The following PTPN3 variants were observed in gnomAD, a reference collection of about 807,000 sequenced individuals.
The protein encoded by PTPN3 is tyrosine-protein phosphatase non-receptor type 3.
In PTPN3, 96 loss-of-function variants were observed where a neutral mutation model predicts 132.7. The observed-to-expected ratio is 0.72, with a 90% CI of 0.61 to 0.86. The LOEUF (loss-of-function observed/expected upper bound fraction) is 0.86. Ranked by LOEUF, PTPN3 falls within the 40% of genes least tolerant of loss-of-function variation. PTPN3 has a pLI of 0.00. For missense variants in PTPN3, 1,125 were observed against 1,159.6 expected (o/e 0.97, Z 0.43); for synonymous variants, 398 against 429.0 (o/e 0.93, Z 0.89).
intron 10 of PTPN3, 95 bp downstream of exon 10, chr9:109,432,978 T>C: frequency 6.6e-7 from 1 of 1,510,012 alleles, no homozygotes; most frequent in Non-Finnish European, 8.9e-7. Flanking sequence ...ATCTTTTCTT[T>C]AGAAATAAAC....
At chr9:109,502,318 A>G (rs1309932128), upstream of PTPN3, among the ~76,000 whole-genome samples, 1 of 152,198 alleles carries the variant, frequency 6.6e-6, no homozygotes, top group Non-Finnish European at 1.5e-5. Context: ...TGCTCCAGTG[A>G]TTTACAAAGC....
chr9:109,430,497 C>A (rs1391368870), intron 10 of PTPN3, among the ~76,000 whole-genome samples: 1 of 152,052 alleles, frequency 6.6e-6, no homozygotes, highest in East Asian at 1.9e-4. Context: ...CGTTTCCAGG[C>A]TTGGGGCCTC....
chr9:109,427,012 T>TTCAGCCAAA lies in PTPN3; in HGVS notation c.938_939insTTTGGCTGA (p.Leu314_Pro315insAlaGluLeu). 1 of 1,613,820 alleles carries TTCAGCCAAA rather than the reference T, an allele frequency of 6.2e-7. No homozygotes were observed. On this transcript the variant is annotated inframe_insertion, in exon 12 of 26. Coordinates refer to ENST00000374541, the MANE Select transcript of PTPN3 (RefSeq NM_002829.4). ...ACAGAACATTCTTTTCCTGAGGTAG[T>TTCAGCCAAA]AGCTTCTTTGCCTGAAAGAACGTAT...
At chr9:109,478,054 T>C (rs1229888685) in intron 1 of PTPN3, among the ~76,000 whole-genome samples, 1 of 152,130 alleles carries the variant, frequency 6.6e-6, no homozygotes. Context: ...AGCCTCACGG[T>C]GTCTGAACCC....
chr9:109,533,018 C>T, the PTPN3 span: 22,476 of 376,466 alleles, frequency 0.06, 1,022 homozygotes, highest in East Asian at 0.17. Flanking sequence ...TGCAATGGCG[C>T]GATCTCGGCT....
At chr9:109,531,303 C>T in the PTPN3 span, among the ~76,000 whole-genome samples, 1 of 152,164 alleles carries the variant, frequency 6.6e-6, no homozygotes, top group African/African-American at 2.4e-5. Flanking sequence ...TGTTGAAAAC[C>T]TGGCAATTTT....
In PTPN3 at chr9:109,433,569, G is replaced by A. The variant is rs117159805; in HGVS notation, c.676-408C>T. Among the ~76,000 whole-genome samples the A allele has an allele frequency of 8.4e-3, 1,278 of 152,298 alleles. 8 individuals are homozygous for A. Among genetic ancestry groups the A allele is most frequent in the Middle Eastern group, 0.014 (4 of 294 alleles). On this transcript the variant is annotated intron_variant, in intron 9 of 25. Transcript: ENST00000374541. Reference sequence around the variant, plus strand: ...GCTTTAGCTATTTTGAAATGATGATGAAAATGTATACATGTAGAACTGCTG... The same window carrying A: ...GCTTTAGCTATTTTGAAATGATGATAAAAATGTATACATGTAGAACTGCTG...
At chr9:109,510,574 A>ATAT in the PTPN3 span, among the ~76,000 whole-genome samples, 25 of 49,180 alleles carry the variant, frequency 5.1e-4, no homozygotes, top group African/African-American at 1.1e-3. Flanking sequence ...AAAAAAAAAA[A>ATAT]AAATATATAT....
chr9:109,469,678 C>T lies in PTPN3; in HGVS notation c.-17-6227G>A, dbSNP rs116544730. On this transcript the variant is annotated intron_variant, in intron 1 of 25. Transcript: ENST00000374541. The stretch of plus-strand genomic sequence containing the variant: ...ATTTTTTAAAGTAAGGGACTTAGGC[C>T]TCTAATTGAAGAATATGAGTTCCGT... Among the ~76,000 whole-genome samples, 1,005 of 152,072 alleles carry T rather than the reference C, an allele frequency of 6.6e-3. 8 individuals are homozygous for T. The highest frequency in any genetic ancestry group is 0.022 in the African/African-American group (921 of 41,450).
rs115942706 is a variant in PTPN3, at chr9:109,381,396, T to C, written c.2664+256A>G. Reference sequence around the variant, plus strand: ...GGTGCGGGGGAGGATAATGGACAAATGATTGTTCAACGATACAGAATGCAA... The same window carrying C: ...GGTGCGGGGGAGGATAATGGACAAACGATTGTTCAACGATACAGAATGCAA... On this transcript the variant is annotated intron_variant, in intron 25 of 25. Coordinates refer to ENST00000374541, the MANE Select transcript of PTPN3 (RefSeq NM_002829.4). 4.3e-3 allele frequency among the ~76,000 whole-genome samples: 659 copies of C among 152,164 alleles called. 5 individuals are homozygous for C. Among genetic ancestry groups the C allele is most frequent in the African/African-American group, 0.014 (595 of 41,512 alleles).
chr9:109,489,116 G>C (rs1469175892), intron 1 of PTPN3, among the ~76,000 whole-genome samples: 1 of 152,194 alleles, frequency 6.6e-6, no homozygotes, highest in Non-Finnish European at 1.5e-5. Context: ...AATTCTATTA[G>C]AAATTGGTCA....
rs1845947851 is a variant in PTPN3 at position 109,463,505 on chromosome 9, TG to T, written c.-17-55del. 2.6e-6 allele frequency: 4 copies of T among 1,523,772 alleles called. No homozygotes were observed. In the East Asian group the frequency reaches 9.1e-5, roughly 35 times the overall value. 94.4% of individuals were successfully genotyped at this position (1,523,772 alleles called of 1,614,324 possible). ...TTTAATATGCGAATTGTCAGTTACTTGTGAGTGCAGATACCTGTCAGATCCC... is the reference window on the plus strand; with the variant it reads ...TTTAATATGCGAATTGTCAGTTACTTTGAGTGCAGATACCTGTCAGATCCC... On this transcript the variant is annotated intron_variant, in intron 1 of 25. Transcript: ENST00000374541.
the PTPN3 span, among the ~76,000 whole-genome samples, chr9:109,528,829 A>C: frequency 6.6e-6 from 1 of 151,828 alleles, no homozygotes; most frequent in African/African-American, 2.4e-5. Flanking sequence ...GCACCTCTAG[A>C]GTCTGAAAGT....
At chr9:109,493,219 T>C (rs768698050) in intron 1 of PTPN3, among the ~76,000 whole-genome samples, 1 of 152,174 alleles carries the variant, frequency 6.6e-6, no homozygotes, top group African/African-American at 2.4e-5. Context: ...CCTGGCAACA[T>C]GGCGAGACCC....
intron 5 of PTPN3, among the ~76,000 whole-genome samples, chr9:109,452,245 G>A (rs1226255278): frequency 7.4e-6 from 1 of 134,978 alleles, no homozygotes; most frequent in African/African-American, 2.9e-5. Flanking sequence ...TCCAGCCTGG[G>A]TGACAGAGCG....
In PTPN3 at chr9:109,457,104, T is replaced by C. The variant is rs747730875; in HGVS notation, c.289+69A>G. On this transcript the variant is annotated intron_variant, in intron 4 of 25. Transcript: ENST00000374541. ...ACCAGATGTCACAGGCACTGACGAT[T>C]GGAGGGGAGAAACAGGCTGTGATAC... is the stretch of plus-strand genomic sequence containing the variant. 2.0e-6 allele frequency: 3 copies of C among 1,515,972 alleles called. No homozygotes were observed. The African/African-American group carries it at 4.1e-5, about 21-fold the overall frequency. 93.9% of individuals were successfully genotyped at this position (1,515,972 alleles called of 1,614,324 possible).
chr9:109,406,649 G>C (rs779410912), intron 17 of PTPN3, 31 bp from the exon 18 acceptor site: 1 of 1,612,472 alleles, frequency 6.2e-7, no homozygotes, highest in East Asian at 2.2e-5. Flanking sequence ...AGTTTCTCCT[G>C]TTACCATAAC....
chr9:109,527,722 T>C, the PTPN3 span, among the ~76,000 whole-genome samples: 2 of 152,240 alleles, frequency 1.3e-5, no homozygotes, highest in East Asian at 1.9e-4. Flanking sequence ...AAGTATCATA[T>C]GTACCCTTAA....
chr9:109,440,762 A>G (rs767673176), intron 7 of PTPN3, among the ~76,000 whole-genome samples: 6 of 152,232 alleles, frequency 3.9e-5, no homozygotes, highest in South Asian at 4.1e-4. Context: ...TTCTGCAAAC[A>G]TGAACAGCAA....
Sources: gnomAD v4.1 joint callset for allele counts (sites outside exome capture counted in the v4.1 genomes callset) on GRCh38, gnomAD v4.1.1 for gene constraint, MANE v1.5 for transcripts, NCBI Gene and HGNC (gene_info 2026-07-23, HGNC 2026-07-21) for gene names.